The following HS6ST2 variants were observed in gnomAD, a reference collection of about 807,000 sequenced individuals.
HS6ST2 encodes the protein heparan sulfate 6-O-sulfotransferase 2.
In HS6ST2, 17 loss-of-function variants were observed where a neutral mutation model predicts 33.0. That is an observed-to-expected ratio of 0.52 (90% CI 0.35 to 0.77). HS6ST2 has a LOEUF of 0.77. HS6ST2 is among the 30% of genes least tolerant of loss of function. HS6ST2 has a pLI of 0.01. For missense variants in HS6ST2, 519 were observed against 551.7 expected, an observed-to-expected ratio of 0.94 and a Z score of 0.59; for synonymous variants, 248 against 237.1, an observed-to-expected ratio of 1.05 and a Z score of -0.42.
chrX:132,647,451 G>A, intron 4 of HS6ST2, among the ~76,000 whole-genome samples: 1 of 111,833 alleles, frequency 8.9e-6, no homozygotes, highest in Non-Finnish European at 1.9e-5. Flanking sequence ...AGGAGAGAAA[G>A]CTGAATATGG....
intron 2 of HS6ST2, among the ~76,000 whole-genome samples, chrX:132,793,265 T>C (rs1416423147): frequency 9.2e-6 from 1 of 108,118 alleles, no homozygotes; most frequent in East Asian, 2.9e-4. Flanking sequence ...TTCACCATGT[T>C]GGTCAGACTG....
At chrX:132,956,711 C>A in intron 2 of HS6ST2, 97 bp downstream of exon 2, 1 of 1,006,530 alleles carries the variant, frequency 9.9e-7, no homozygotes, top group Non-Finnish European at 1.3e-6. Context: ...GCCCGGGCGT[C>A]AGGGTGCGCG....
intron 4 of HS6ST2, among the ~76,000 whole-genome samples, chrX:132,658,163 T>C (rs1261894138): frequency 9.0e-6 from 1 of 111,407 alleles, no homozygotes; most frequent in Non-Finnish European, 1.9e-5. Context: ...AGCCATGCTG[T>C]GTCTGCTGAA....
intron 2 of HS6ST2, among the ~76,000 whole-genome samples, chrX:132,836,628 T>A (rs1349333051): frequency 5.3e-5 from 6 of 112,945 alleles, no homozygotes; most frequent in African/African-American, 1.9e-4. Flanking sequence ...CACTCTCATA[T>A]CTGCCCTGGC....
At chrX:132,656,350 T>C (rs898331742) in intron 4 of HS6ST2, among the ~76,000 whole-genome samples, 5 of 111,588 alleles carry the variant, frequency 4.5e-5, no homozygotes, top group African/African-American at 1.3e-4. Flanking sequence ...ATAAAGGCGG[T>C]TTTCCAATAA....
chrX:132,844,817 G>A (rs2148401814), intron 2 of HS6ST2, among the ~76,000 whole-genome samples: 1 of 111,114 alleles, frequency 9.0e-6, no homozygotes, highest in East Asian at 2.8e-4. Flanking sequence ...TATAGATAAA[G>A]AAATCTCAAG....
At chrX:132,881,403 T>C (rs2066171536) in intron 2 of HS6ST2, among the ~76,000 whole-genome samples, 1 of 112,171 alleles carries the variant, frequency 8.9e-6, no homozygotes, top group Admixed American at 9.4e-5. Context: ...TTTCATGTGT[T>C]TTTTGGCTGC....
At chrX:132,764,825 G>A (rs1029801652) in intron 2 of HS6ST2, among the ~76,000 whole-genome samples, 1 of 111,861 alleles carries the variant, frequency 8.9e-6, no homozygotes, top group East Asian at 2.8e-4. Flanking sequence ...GTAATTGCTG[G>A]GGTGGTTTTG....
intron 2 of HS6ST2, among the ~76,000 whole-genome samples, chrX:132,782,076 G>A (rs1256820001): frequency 3.6e-5 from 4 of 111,717 alleles, no homozygotes; most frequent in African/African-American, 1.3e-4. Flanking sequence ...ATTCCATGAT[G>A]AAATCCATTT....
intron 4 of HS6ST2, among the ~76,000 whole-genome samples, chrX:132,663,650 T>C (rs775541529): frequency 1.8e-5 from 2 of 112,860 alleles, no homozygotes; most frequent in East Asian, 5.5e-4. Context: ...TAAGGAACTA[T>C]TGACATTATC....
chrX:132,712,515 C>T (rs1304394077), intron 2 of HS6ST2, among the ~76,000 whole-genome samples: 1 of 111,951 alleles, frequency 8.9e-6, no homozygotes, highest in East Asian at 2.8e-4. Context: ...TCTTAAGGCC[C>T]TATGCAAAAC....
intron 2 of HS6ST2, among the ~76,000 whole-genome samples, chrX:132,765,274 C>T (rs2064836138): frequency 8.9e-6 from 1 of 112,094 alleles, no homozygotes; most frequent in Admixed American, 9.5e-5. Context: ...AGATCACAAA[C>T]ACCTCAAGGA....
chrX:132,813,497 C>T (rs1013815324), intron 2 of HS6ST2, among the ~76,000 whole-genome samples: 2 of 111,846 alleles, frequency 1.8e-5, no homozygotes, highest in African/African-American at 3.3e-5. Context: ...TTACTGAACA[C>T]GTGGAGGACT....
intron 2 of HS6ST2, among the ~76,000 whole-genome samples, chrX:132,709,529 G>A (rs986340768): frequency 9.0e-6 from 1 of 110,572 alleles, no homozygotes; most frequent in Non-Finnish European, 1.9e-5. Context: ...CCCTGTTTCT[G>A]AGCTGTTAAG....
chrX:132,724,162 GAA>G (rs201630159), intron 2 of HS6ST2, among the ~76,000 whole-genome samples: 2 of 107,687 alleles, frequency 1.9e-5, no homozygotes, highest in Non-Finnish European at 3.9e-5. Flanking sequence ...GAAAAGAAAA[GAA>G]AAGAAAAGAA....
At chrX:132,691,478 CTGG>C (rs760967128) in intron 3 of HS6ST2, among the ~76,000 whole-genome samples, 154 of 112,079 alleles carry the variant, frequency 1.4e-3, no homozygotes, top group Middle Eastern at 4.6e-3. Flanking sequence ...TCAAGATTGC[CTGG>C]TTGCTGCCAT....
chrX:132,865,690 T>A (rs1305876357), intron 2 of HS6ST2, among the ~76,000 whole-genome samples: 1 of 112,278 alleles, frequency 8.9e-6, no homozygotes, highest in Non-Finnish European at 1.9e-5. Context: ...TGAGATGATA[T>A]CTCATTGTGG....
At chrX:132,707,858 C>T (rs992512136) in intron 3 of HS6ST2, among the ~76,000 whole-genome samples, 4 of 111,476 alleles carry the variant, frequency 3.6e-5, no homozygotes, top group South Asian at 3.9e-4. Flanking sequence ...TCTCAGCGTC[C>T]GTCTTCCCCA....
At chrX:132,647,715 C>A (rs2063657393) in intron 4 of HS6ST2, among the ~76,000 whole-genome samples, 1 of 112,350 alleles carries the variant, frequency 8.9e-6, no homozygotes, top group Non-Finnish European at 1.9e-5. Context: ...GAGGCTTAAC[C>A]ATGGGACAGG....
Sources: allele counts gnomAD v4.1 joint callset (sites outside exome capture counted in the v4.1 genomes callset), GRCh38; gene constraint gnomAD v4.1.1; transcripts MANE v1.5; gene names NCBI Gene and HGNC (gene_info 2026-07-23, HGNC 2026-07-21).